Variants in ANK3 observed in about 807,000 individuals in gnomAD.
The protein encoded by ANK3 is ankyrin-3.
In ANK3, 57 loss-of-function variants were observed where a neutral mutation model predicts 370.9. That is an observed-to-expected ratio of 0.15 (90% CI 0.12 to 0.19). The LOEUF (loss-of-function observed/expected upper bound fraction) is 0.19. Among genes scored for constraint, ANK3 ranks in the 10% least tolerant of loss-of-function variants. ANK3 has a pLI of 1.00. For synonymous variants in ANK3, 1,929 were observed against 1,946.3 expected (o/e 0.99, Z 0.23); for missense variants, 4,439 against 5,302.1 (o/e 0.84, Z 5.06).
intron 1 of ANK3, among the ~76,000 whole-genome samples, chr10:60,329,946 C>G (rs1242852386): frequency 1.3e-5 from 2 of 152,058 alleles, no homozygotes; most frequent in East Asian, 3.9e-4. Context: ...ATATATAGAC[C>G]AATGAAACAG....
At chr10:60,437,201 C>A (rs891495945) in intron 2 of ANK3, among the ~76,000 whole-genome samples, 2 of 151,958 alleles carry the variant, frequency 1.3e-5, no homozygotes, top group African/African-American at 4.8e-5. Flanking sequence ...GCAGATGGTC[C>A]TGATAGAGGA....
intron 2 of ANK3, among the ~76,000 whole-genome samples, chr10:60,395,572 C>CTTTTCTTTCTTTCTTTCTTTCT (rs142109128): frequency 8.9e-6 from 1 of 112,714 alleles, no homozygotes; most frequent in African/African-American, 3.6e-5. Context: ...TTCTTTCTTT[C>CTTTTCTTTCTTTCTTTCTTTCT]TTTCTTTCTT....
At chr10:60,146,145 A>T in intron 23 of ANK3, 3 of 1,351,948 alleles carry the variant, frequency 2.2e-6, no homozygotes, top group Non-Finnish European at 2.9e-6. Context: ...TAAGTCTGCC[A>T]TGTAGATACG....
intron 2 of ANK3, among the ~76,000 whole-genome samples, chr10:60,434,299 T>C (rs1451768681): frequency 6.6e-6 from 1 of 152,210 alleles, no homozygotes; most frequent in African/African-American, 2.4e-5. Flanking sequence ...AATGGCCCTA[T>C]AGCATAGCCC....
At chr10:60,292,484 G>C (rs2041633951) in intron 1 of ANK3, among the ~76,000 whole-genome samples, 1 of 151,854 alleles carries the variant, frequency 6.6e-6, no homozygotes, top group Non-Finnish European at 1.5e-5. Context: ...GGAAGATTTA[G>C]TCCTTTGGAA....
chr10:60,334,641 G>A (rs1362604431), intron 1 of ANK3, among the ~76,000 whole-genome samples: 2 of 152,210 alleles, frequency 1.3e-5, no homozygotes, highest in East Asian at 3.9e-4. Flanking sequence ...GTTTTCTAAT[G>A]TAAGATGATG....
intron 2 of ANK3, among the ~76,000 whole-genome samples, chr10:60,612,297 C>G (rs932503835): frequency 1.1e-4 from 16 of 152,084 alleles, no homozygotes; most frequent in Non-Finnish European, 2.2e-4. Context: ...GCAAACTGAG[C>G]AGACAGGACA....
chr10:60,364,542 G>T (rs1594562187), intron 1 of ANK3, among the ~76,000 whole-genome samples: 1 of 144,720 alleles, frequency 6.9e-6, no homozygotes, highest in Admixed American at 6.8e-5. Flanking sequence ...GGGGCCTGTT[G>T]GGGGGTGGGA....
intron 2 of ANK3, among the ~76,000 whole-genome samples, chr10:60,532,648 T>C (rs559815234): frequency 6.6e-6 from 1 of 152,232 alleles, no homozygotes; most frequent in African/African-American, 2.4e-5. Context: ...GGGGTCGTGG[T>C]GATCATTTGG....
Position 60,430,673 on chromosome 10 carries a change from T to C in ANK3, c.97-151034A>G, listed in dbSNP as rs116314816. Among the ~76,000 whole-genome samples the C allele has an allele frequency of 2.1e-3, 321 of 152,280 alleles. 2 individuals carry two copies. Among genetic ancestry groups the C allele is most frequent in the African/African-American group, 7.3e-3 (304 of 41,556 alleles). ...TTTTTACCCCAGAGAATTTTTTTAT[T>C]AGCATAAAATACACACAGTCAACTT... is the stretch of plus-strand genomic sequence containing the variant. On this transcript the variant is annotated intron_variant, in intron 2 of 43. Transcript: ENST00000373827.
intron 36 of ANK3, 59 bp downstream of exon 36, chr10:60,080,477 GA>G: frequency 6.7e-7 from 1 of 1,486,380 alleles, no homozygotes; most frequent in Non-Finnish European, 9.3e-7. Context: ...GGTTTGTATA[GA>G]AAAAATGTCT....
chr10:60,449,387 C>T (rs1832142254), intron 2 of ANK3, among the ~76,000 whole-genome samples: 1 of 152,126 alleles, frequency 6.6e-6, no homozygotes, highest in African/African-American at 2.4e-5. Flanking sequence ...CTTCTCAATT[C>T]AGGCTAGCCT....
intron 2 of ANK3, among the ~76,000 whole-genome samples, chr10:60,559,929 G>C (rs1391081521): frequency 6.6e-6 from 1 of 152,082 alleles, no homozygotes; most frequent in Non-Finnish European, 1.5e-5. Flanking sequence ...TATAATCCCA[G>C]CTACTCAGGA....
chr10:60,550,425 G>C (rs941198683), intron 2 of ANK3, among the ~76,000 whole-genome samples: 4 of 151,712 alleles, frequency 2.6e-5, no homozygotes, highest in African/African-American at 9.7e-5. Flanking sequence ...TTAGAAGAAA[G>C]GGAAAATATA....
chr10:60,334,842 T>C (rs1301196331), intron 1 of ANK3, among the ~76,000 whole-genome samples: 1 of 152,180 alleles, frequency 6.6e-6, no homozygotes, highest in Non-Finnish European at 1.5e-5. Flanking sequence ...CTGGACTCCA[T>C]GGGACAAATT....
At chr10:60,605,258 A>T (rs2078113481) in intron 2 of ANK3, among the ~76,000 whole-genome samples, 1 of 151,998 alleles carries the variant, frequency 6.6e-6, no homozygotes, top group African/African-American at 2.4e-5. Context: ...GACACACATG[A>T]CAAGATGTGA....
intron 1 of ANK3, chr10:60,684,530 C>A (rs2079242642): frequency 1.9e-6 from 3 of 1,568,502 alleles, no homozygotes; most frequent in East Asian, 4.6e-5. Flanking sequence ...TCAGACCAGA[C>A]TTCTATCCTG....
intron 2 of ANK3, among the ~76,000 whole-genome samples, chr10:60,456,512 A>G (rs933139987): frequency 2.0e-5 from 3 of 152,130 alleles, no homozygotes; most frequent in African/African-American, 7.2e-5. Flanking sequence ...TCCTGACACT[A>G]TTCGCCTAAC....
Position 60,269,711 on chromosome 10 carries a change from A to T in ANK3, c.513+420T>A, listed in dbSNP as rs968039767. On this transcript the variant is annotated intron_variant, in intron 5 of 43. Transcript: ENST00000280772. ...ACTATGAATTAAGTCTAGTTAACTT[A>T]AAAAATACAAATTCAATCATTATAA... Among the ~76,000 whole-genome samples, 63 of 147,304 alleles carry T rather than the reference A, an allele frequency of 4.3e-4. 1 individual carries two copies. In the Admixed American group the frequency reaches 4.4e-3, roughly 10 times the overall value.
Sources: gnomAD v4.1 joint callset for allele counts (sites outside exome capture counted in the v4.1 genomes callset) on GRCh38, gnomAD v4.1.1 for gene constraint, MANE v1.5 for transcripts, NCBI Gene and HGNC (gene_info 2026-07-23, HGNC 2026-07-21) for gene names.